Variants in TNFRSF10B observed in about 807,000 individuals in gnomAD.
TNFRSF10B encodes tumor necrosis factor receptor superfamily member 10B.
TNFRSF10B carries 35 observed loss-of-function variants against 41.4 expected under a neutral mutation model. The ratio of observed to expected loss-of-function variants is 0.85; its 90% CI spans 0.65 to 1.12. The LOEUF (loss-of-function observed/expected upper bound fraction) is 1.12. Among genes scored for constraint, TNFRSF10B ranks in the 50% most tolerant of loss-of-function variants. The probability of loss-of-function intolerance (pLI) is 0.00; values close to 1 mark genes in which losing one functional copy is unlikely to be tolerated. For missense variants in TNFRSF10B, 584 were observed against 552.7 expected (o/e 1.06, Z -0.57); for synonymous variants, 230 against 215.5 (o/e 1.07, Z -0.59).
chr8:23,041,397 T>G (rs1370538215), intron 2 of TNFRSF10B, among the ~76,000 whole-genome samples: 1 of 149,960 alleles, frequency 6.7e-6, no homozygotes, highest in Non-Finnish European at 1.5e-5. Context: ...CCCAGCGCAG[T>G]GGCTCACGCC....
chr8:23,057,036 CTT>C (rs138262629), intron 1 of TNFRSF10B, among the ~76,000 whole-genome samples: 21,468 of 135,770 alleles, frequency 0.16, 1,613 homozygotes, highest in South Asian at 0.22. Flanking sequence ...TCTTTTATGA[CTT>C]TTTTTTTTTT....
Position 23,022,117 on chromosome 8 carries a change from G to A in TNFRSF10B, c.*554C>T, listed in dbSNP as rs903750561. Reference sequence around the variant, plus strand: ...CTAGACAAAATACAAAAAATTAGCCGGGCGTGGTGGTGCACACCTGTGGTC... The same window carrying A: ...CTAGACAAAATACAAAAAATTAGCCAGGCGTGGTGGTGCACACCTGTGGTC... On this transcript the variant is annotated 3_prime_UTR_variant, in exon 9 of 9. Transcript: ENST00000276431. The A allele has an allele frequency of 2.8e-5, 12 of 425,850 alleles. No individual in the cohort carries two copies. Among genetic ancestry groups the A allele is most frequent in the African/African-American group, 8.2e-5 (4 of 48,638 alleles). 26.4% of individuals were successfully genotyped at this position (425,850 alleles called of 1,614,324 possible).
intron 1 of TNFRSF10B, among the ~76,000 whole-genome samples, chr8:23,057,924 C>T (rs1221621687): frequency 6.6e-6 from 1 of 152,182 alleles, no homozygotes; most frequent in Non-Finnish European, 1.5e-5. Context: ...CATCCATTTG[C>T]TCCTACTATA....
Position 23,022,914 on chromosome 8 carries a change from C to A in TNFRSF10B, c.1080G>T (p.Lys360Asn), listed in dbSNP as rs888236227. 1.9e-6 allele frequency: 3 copies of A among 1,614,086 alleles called. No individual in the cohort carries two copies. Among genetic ancestry groups the A allele is most frequent in the South Asian group, 2.2e-5 (2 of 91,072 alleles). Residue 360 changes from lysine (K) to asparagine (N), a missense_variant, in exon 9 of 9, where the codon AAG (lysine) becomes AAT (asparagine). Lys to Asn is a moderately conservative substitution (Grantham distance 94). Transcript: ENST00000276431. Reference protein sequence around the residue: ...PFDSWEPLMRKLGLMDNEIKV... With the variant: ...PFDSWEPLMRNLGLMDNEIKV... ...TTATCTCATTGTCCATGAGGCCCAA[C>A]TTCCTCATGAGCGGCTCCCAGGAGT...
intron 7 of TNFRSF10B, among the ~76,000 whole-genome samples, chr8:23,026,664 T>C (rs1811713208): frequency 6.6e-6 from 1 of 152,194 alleles, no homozygotes; most frequent in Admixed American, 6.5e-5. Flanking sequence ...TATGAACTGA[T>C]TGTGTGCGTG....
In TNFRSF10B at chr8:23,027,506, G is replaced by T. The variant is rs1189330990; in HGVS notation, c.780+216C>A. 3 of 782,326 alleles carry T rather than the reference G, an allele frequency of 3.8e-6. No homozygotes were observed. In the Admixed American group the frequency reaches 7.0e-5, roughly 18 times the overall value. The allele number at this position is 782,326 out of a possible 1,614,324, so 48.5% of individuals were successfully genotyped here. On this transcript the variant is annotated intron_variant, in intron 6 of 8. Coordinates refer to ENST00000276431, the MANE Select transcript of TNFRSF10B (RefSeq NM_003842.5). Reference sequence around the variant, plus strand: ...ACCCCATCCCTAGGGTGCAGGCTGTGGGGTGAGGATGTCACCTGGGCTGCA... The same window carrying T: ...ACCCCATCCCTAGGGTGCAGGCTGTTGGGTGAGGATGTCACCTGGGCTGCA...
chr8:23,020,964 C>T lies in TNFRSF10B; in HGVS notation c.*1707G>A, dbSNP rs781026746. The T allele has an allele frequency of 4.4e-6, 2 of 454,014 alleles. No homozygotes were observed. Among genetic ancestry groups the T allele is most frequent in the South Asian group, 1.6e-5 (1 of 64,478 alleles). 28.1% of individuals were successfully genotyped at this position (454,014 alleles called of 1,614,324 possible). On this transcript the variant is annotated 3_prime_UTR_variant, in exon 9 of 9. Transcript: ENST00000276431. ...GGAAGTGCAAAGACCAGAAAGGTCA[C>T]CCCCCACTCCTAAAACTCCACAGAC...
At position 23,027,759 on chromosome 8, in the gene TNFRSF10B, AAAG is replaced by A. The variant is rs764940999; in HGVS notation, c.749-9_749-7del. 14 of 1,613,976 alleles carry A rather than the reference AAAG, an allele frequency of 8.7e-6. No individual in the cohort carries two copies. The highest frequency in any genetic ancestry group is 1.1e-5 in the South Asian group (1 of 91,070). On this transcript the variant is annotated splice_polypyrimidine_tract_variant and splice_region_variant and intron_variant, in intron 5 of 8. Transcript: ENST00000276431. ...CTCAGGGTCCCCACCACCACCTAAA[AAAG>A]AAGCAGTCTCCTTAGCAGGAAGGGA...
At position 23,049,554 on chromosome 8, in the gene TNFRSF10B, C is replaced by A. The variant is rs56713925; in HGVS notation, c.145-6311G>T. Among the ~76,000 whole-genome samples the A allele has an allele frequency of 6.5e-3, 989 of 152,234 alleles. 4 individuals are homozygous for A. Among genetic ancestry groups the A allele is most frequent in the Middle Eastern group, 0.024 (7 of 294 alleles). ...CAGAGGAAGGTCTTCAGGACTCAGACCTTAGTTATAGATTCAAAGAAGTTA... is the reference window on the plus strand; with the variant it reads ...CAGAGGAAGGTCTTCAGGACTCAGAACTTAGTTATAGATTCAAAGAAGTTA... On this transcript the variant is annotated intron_variant, in intron 1 of 8. Transcript: ENST00000276431.
chr8:23,037,524 G>A (rs1812060863), intron 2 of TNFRSF10B, among the ~76,000 whole-genome samples: 1 of 152,188 alleles, frequency 6.6e-6, no homozygotes, highest in South Asian at 2.1e-4. Flanking sequence ...ACTATCCTCT[G>A]TGGACTCACA....
intron 1 of TNFRSF10B, among the ~76,000 whole-genome samples, chr8:23,047,643 A>G (rs915584915): frequency 2.0e-4 from 30 of 152,154 alleles, no homozygotes; most frequent in African/African-American, 7.0e-4. Flanking sequence ...GCAAATTAAA[A>G]CCACAATGAG....
At chr8:23,036,181 C>T (rs1053681585) in intron 2 of TNFRSF10B, among the ~76,000 whole-genome samples, 106 of 152,318 alleles carry the variant, frequency 7.0e-4, no homozygotes, top group African/African-American at 2.3e-3. Context: ...AATTACTCTA[C>T]GACCTGACTG....
rs1250766042 is a variant in TNFRSF10B, at chr8:23,028,726, C to T, written c.477-124G>A. 18 of 1,236,072 alleles carry T rather than the reference C, an allele frequency of 1.5e-5. No homozygotes were observed. The African/African-American group carries it at 1.6e-4, about 11-fold the overall frequency. 76.6% of individuals were successfully genotyped at this position (1,236,072 alleles called of 1,614,324 possible). On this transcript the variant is annotated intron_variant, in intron 4 of 8. Coordinates refer to ENST00000276431, the MANE Select transcript of TNFRSF10B (RefSeq NM_003842.5). ...GGTGTCAGGGGAAGGACAGTCTCCT[C>T]GTGTCAGCAGTGGGTCCCCCTGTGC...
intron 2 of TNFRSF10B, among the ~76,000 whole-genome samples, chr8:23,031,118 C>A (rs1207908710): frequency 1.3e-5 from 2 of 152,216 alleles, no homozygotes; most frequent in Admixed American, 1.3e-4. Flanking sequence ...CTCTGTCACC[C>A]AGGCTGGAGT....
chr8:23,035,715 G>A (rs1181452495), intron 2 of TNFRSF10B, among the ~76,000 whole-genome samples: 1 of 152,098 alleles, frequency 6.6e-6, no homozygotes, highest in African/African-American at 2.4e-5. Context: ...GATATTCTAA[G>A]ATAAAAGATA....
Position 23,060,118 on chromosome 8 carries a change from T to A in TNFRSF10B, c.144+8633A>T, listed in dbSNP as rs182184759. Among the ~76,000 whole-genome samples, 135 of 152,262 alleles carry A rather than the reference T, an allele frequency of 8.9e-4. 2 individuals are homozygous for A. The highest frequency in any genetic ancestry group is 7.7e-3 in the Admixed American group (118 of 15,298). ...TTTTTATCCAGTTAATAGTATCTTT[T>A]GATTCACAAGAGTTACTGATTTTCA... On this transcript the variant is annotated intron_variant, in intron 1 of 8. Coordinates refer to ENST00000276431, the MANE Select transcript of TNFRSF10B (RefSeq NM_003842.5).
intron 4 of TNFRSF10B, among the ~76,000 whole-genome samples, chr8:23,028,880 A>AG (rs1311514826): frequency 1.9e-4 from 29 of 152,222 alleles, no homozygotes; most frequent in Non-Finnish European, 2.9e-5. Flanking sequence ...CCTGGGCTGC[A>AG]GGGGAGGCCT....
In TNFRSF10B at chr8:23,022,675, G is replaced by A; in HGVS notation, c.1319C>T (p.Ser440Phe). 1 of 1,613,996 alleles carries A rather than the reference G, an allele frequency of 6.2e-7. No homozygotes were observed. The highest frequency in any genetic ancestry group is 1.3e-5 in the African/African-American group (1 of 74,970). Residue 440 changes from serine (S) to phenylalanine (F), a missense_variant, in exon 9 of 9, where the codon TCC (serine) becomes TTC (phenylalanine). By Grantham distance (155) the Ser-to-Phe change is radical. Coordinates refer to ENST00000276431, the MANE Select transcript of TNFRSF10B (RefSeq NM_003842.5). Reference sequence around the variant, plus strand: ...ACTTCCTGAAGAGAATCACACTTAGGACATGGCAGAGTCTGCATTACCTTC... The same window carrying A: ...ACTTCCTGAAGAGAATCACACTTAGAACATGGCAGAGTCTGCATTACCTTC... Reference protein sequence around the residue: ...YLEGNADSAMS With the variant: ...YLEGNADSAMF
At position 23,024,272 on chromosome 8, in the gene TNFRSF10B, A is replaced by G; in HGVS notation, c.937-12T>C. 1 of 1,613,882 alleles carries G rather than the reference A, an allele frequency of 6.2e-7. No individual in the cohort carries two copies. The highest frequency in any genetic ancestry group is 1.1e-5 in the South Asian group (1 of 91,082). ...GCTTCTGCCGGTTCCTGTAACACAT[A>G]GTGGGGAATGTCCTGGTCAGAGCCA... On this transcript the variant is annotated splice_polypyrimidine_tract_variant and intron_variant, in intron 7 of 8. Coordinates refer to ENST00000276431, the MANE Select transcript of TNFRSF10B (RefSeq NM_003842.5).
Sources: gnomAD v4.1 joint callset for allele counts (sites outside exome capture counted in the v4.1 genomes callset) on GRCh38, gnomAD v4.1.1 for gene constraint, MANE v1.5 for transcripts, NCBI Gene and HGNC (gene_info 2026-07-23, HGNC 2026-07-21) for gene names.